PCDHA3: variants seen among roughly 807,000 people sequenced by gnomAD.
PCDHA3 encodes protocadherin alpha-3.
PCDHA3 carries 41 observed loss-of-function variants against 62.2 expected under a neutral mutation model. The observed-to-expected ratio is 0.66, with a 90% confidence interval of 0.51 to 0.86. PCDHA3 has a LOEUF of 0.86. Among genes scored for constraint, PCDHA3 ranks in the 40% least tolerant of loss-of-function variants. The pLI is 0.00. For synonymous variants in PCDHA3, 640 were observed against 555.4 expected (o/e 1.15, Z -2.14); for missense variants, 1,304 against 1,241.2 (o/e 1.05, Z -0.76).
chr5:140,836,509 G>C, intron 1 of PCDHA3: 1 of 1,613,894 alleles, frequency 6.2e-7, no homozygotes, highest in Non-Finnish European at 8.5e-7. Context: ...GCGGTGTCCA[G>C]TCTGTTGGTG....
chr5:140,969,547 A>C, intron 1 of PCDHA3: 10 of 1,244,334 alleles, frequency 8.0e-6, no homozygotes, highest in Non-Finnish European at 9.8e-6. Flanking sequence ...AGAGGCATGA[A>C]GCCTTGTCCA....
chr5:140,836,263 A>T, intron 1 of PCDHA3: 3 of 1,613,768 alleles, frequency 1.9e-6, no homozygotes, highest in Non-Finnish European at 2.5e-6. Flanking sequence ...GTGGGGCTGT[A>T]CACTGGTGAG....
At chr5:140,967,845 A>T in intron 1 of PCDHA3, 1 of 1,614,160 alleles carries the variant, frequency 6.2e-7, no homozygotes, top group Non-Finnish European at 8.5e-7. Context: ...GACGTGAATG[A>T]CAATGCCCCA....
chr5:140,883,451 T>A (rs2153394032), intron 1 of PCDHA3: 1 of 1,614,144 alleles, frequency 6.2e-7, no homozygotes, highest in Non-Finnish European at 8.5e-7. Context: ...GCATGTCCCC[T>A]TCAAGCTGGT....
intron 1 of PCDHA3, chr5:140,968,434 C>T: frequency 6.8e-6 from 11 of 1,613,948 alleles, no homozygotes; most frequent in Non-Finnish European, 8.5e-6. Flanking sequence ...ACAAGGGGAG[C>T]CCACCACTGA....
chr5:140,948,937 T>C (rs1309849094), intron 1 of PCDHA3, among the ~76,000 whole-genome samples: 1 of 134,978 alleles, frequency 7.4e-6, no homozygotes, highest in African/African-American at 2.6e-5. Context: ...ACATTTCTTC[T>C]AATATAAAAA....
rs1270383213 is a variant in PCDHA3 at position 140,835,905 on chromosome 5, G to A, written c.2394+32314G>A. 4 of 1,612,188 alleles carry A rather than the reference G, an allele frequency of 2.5e-6. No homozygotes were observed. In the East Asian group the frequency reaches 8.9e-5, roughly 36 times the overall value. ...GGGCGAGCGCGCGCTGTCGAGCTAC[G>A]TGTCAGTGCACGCGGAGAGCGGCAA... On this transcript the variant is annotated intron_variant, in intron 1 of 3. Transcript: ENST00000522353.
At position 140,801,578 on chromosome 5, in the gene PCDHA3, T is replaced by C; in HGVS notation, c.381T>C (p.Asn127=). The C allele has an allele frequency of 6.2e-7, 1 of 1,614,234 alleles. No homozygotes were observed. The highest frequency in any genetic ancestry group is 8.5e-7 in the Non-Finnish European group (1 of 1,180,036). ...TGGAGGTGGAAGTGAAGGACATTAATGACAACGCGCCAGTTTTTCCAATGG... is the reference window on the plus strand; with the variant it reads ...TGGAGGTGGAAGTGAAGGACATTAACGACAACGCGCCAGTTTTTCCAATGG... ...FHVEVEVKDI[N]DNAPVFPMAV... The change falls in exon 1 of 4, where the codon AAT becomes AAC. Residue 127 remains asparagine, a synonymous_variant. Transcript: ENST00000522353.
intron 1 of PCDHA3, chr5:140,876,621 A>G: frequency 6.2e-7 from 1 of 1,614,120 alleles, no homozygotes; most frequent in Non-Finnish European, 8.5e-7. Context: ...GAGCCAATGG[A>G]CAGGTCATCT....
At chr5:140,955,163 TTTGG>T (rs1445630947) in intron 1 of PCDHA3, among the ~76,000 whole-genome samples, 2 of 152,184 alleles carry the variant, frequency 1.3e-5, no homozygotes, top group Admixed American at 6.5e-5. Flanking sequence ...ACCGTGCTGT[TTTGG>T]TTACTGTAGT....
chr5:140,955,676 C>T (rs374545278), intron 1 of PCDHA3, among the ~76,000 whole-genome samples: 40 of 152,096 alleles, frequency 2.6e-4, no homozygotes, highest in African/African-American at 8.7e-4. Context: ...ATAGTTTTTT[C>T]GAAATCTGTG....
Position 141,009,873 on chromosome 5 carries a change from A to C in PCDHA3, c.2789A>C (p.Lys930Thr), listed in dbSNP as rs782413551. The C allele has an allele frequency of 1.2e-6, 2 of 1,613,916 alleles. No homozygotes were observed. The highest frequency in any genetic ancestry group is 2.7e-5 in the African/African-American group (2 of 74,862). The change falls in exon 4 of 4, where the codon AAG (lysine) becomes ACG (threonine). Residue 930 changes from lysine to threonine, a missense_variant. Lys to Thr is a moderately conservative substitution (Grantham distance 78). Transcript: ENST00000522353. ...ACCAAGAAAAAGAAGAAAAAGAAGA[A>C]GGGTAACAAGACCCAGGAGAAAAAA... ...EETKKKKKKK[K>T]GNKTQEKKEK...
At chr5:140,913,181 T>C (rs2076246657) in intron 1 of PCDHA3, among the ~76,000 whole-genome samples, 1 of 152,208 alleles carries the variant, frequency 6.6e-6, no homozygotes, top group Admixed American at 6.5e-5. Flanking sequence ...TCTTTAAATG[T>C]TTGGTAGAAT....
At chr5:140,828,292 C>A in intron 1 of PCDHA3, 2 of 1,614,104 alleles carry the variant, frequency 1.2e-6, no homozygotes, top group Non-Finnish European at 1.7e-6. Flanking sequence ...TCAGGATGGC[C>A]TCCAAAGACC....
intron 1 of PCDHA3, chr5:140,851,974 C>T: frequency 3.1e-6 from 3 of 976,536 alleles, no homozygotes; most frequent in Non-Finnish European, 3.7e-6. Flanking sequence ...CACACTCTAC[C>T]TTTAGTGCAA....
At chr5:140,857,986 A>C in intron 1 of PCDHA3, 1 of 1,596,686 alleles carries the variant, frequency 6.3e-7, no homozygotes, top group South Asian at 1.1e-5. Flanking sequence ...GCCAGCGCCT[A>C]CTGGTGCTGG....
intron 1 of PCDHA3, chr5:140,875,830 G>A (rs782702520): frequency 4.6e-5 from 75 of 1,614,104 alleles, no homozygotes; most frequent in East Asian, 8.9e-5. Flanking sequence ...TTTCCATGTG[G>A]ACGTGGAGGT....
intron 1 of PCDHA3, chr5:140,927,149 T>C: frequency 1.2e-6 from 2 of 1,614,168 alleles, no homozygotes; most frequent in Non-Finnish European, 1.7e-6. Context: ...CGCGAACAGC[T>C]GTGCAGGGCC....
chr5:140,818,904 A>G (rs1411699157), intron 1 of PCDHA3, among the ~76,000 whole-genome samples: 1 of 152,222 alleles, frequency 6.6e-6, no homozygotes, highest in Non-Finnish European at 1.5e-5. Flanking sequence ...ATTTAGCTTC[A>G]TTGTCCCTTT....
Sources: gnomAD v4.1 joint callset for allele counts (sites outside exome capture counted in the v4.1 genomes callset) on GRCh38, gnomAD v4.1.1 for gene constraint, MANE v1.5 for transcripts, NCBI Gene and HGNC (gene_info 2026-07-23, HGNC 2026-07-21) for gene names.